Variants in DENND2B observed in about 807,000 individuals in gnomAD.
DENND2B encodes DENN domain-containing protein 2B.
A neutral mutation model predicts 116.0 loss-of-function variants in DENND2B; 32 were observed. The ratio of observed to expected loss-of-function variants is 0.28; its 90% CI spans 0.21 to 0.37. The LOEUF is 0.37. DENND2B is among the 10% of genes least tolerant of loss of function. DENND2B has a pLI of 1.00. For missense variants in DENND2B, 1,276 were observed against 1,477.7 expected (o/e 0.86, Z 2.24); for synonymous variants, 588 against 583.9 (o/e 1.01, Z -0.10).
Position 8,894,864 on chromosome 11 carries a change from A to G in DENND2B, c.-255-13755T>C, listed in dbSNP as rs575046746. ...GGCAATTCCTCAAGGATCCAGAACT[A>G]GAAATACCATTTGACCCAGTGATCC... On this transcript the variant is annotated intron_variant, in intron 1 of 22. Coordinates refer to the DENND2B transcript ENST00000534127. 1.1e-4 allele frequency among the ~76,000 whole-genome samples: 16 copies of G among 152,344 alleles called. No homozygotes were observed. In the South Asian group the frequency reaches 3.3e-3, roughly 32 times the overall value.
chr11:8,903,872 G>A (rs1174197392), intron 1 of DENND2B, among the ~76,000 whole-genome samples: 1 of 125,642 alleles, frequency 8.0e-6, no homozygotes, highest in Non-Finnish European at 1.6e-5. Context: ...CTTGGCAACA[G>A]GAGTGAGACC....
At chr11:8,784,252 G>GAA (rs34873883) in intron 1 of DENND2B, 81 of 117,028 alleles carry the variant, frequency 6.9e-4, no homozygotes, top group African/African-American at 1.9e-3. Flanking sequence ...CATCTCTACC[G>GAA]AAAAAAAAAA....
upstream of DENND2B, among the ~76,000 whole-genome samples, chr11:8,872,101 A>G (rs1438591859): frequency 2.0e-5 from 3 of 152,242 alleles, no homozygotes; most frequent in African/African-American, 7.2e-5. Flanking sequence ...CAAGGCCAGG[A>G]CATGTTCCAA....
intron 2 of DENND2B, among the ~76,000 whole-genome samples, chr11:8,746,044 A>G (rs993220075): frequency 1.3e-5 from 2 of 151,616 alleles, no homozygotes; most frequent in Admixed American, 6.6e-5. Flanking sequence ...AAATAACCAG[A>G]CCAGTACTGA....
chr11:8,799,918 T>TTTA (rs143632896), intron 1 of DENND2B, among the ~76,000 whole-genome samples: 2,017 of 143,598 alleles, frequency 0.014, 37 homozygotes, highest in African/African-American at 0.043. Context: ...TCACCATGTA[T>TTTA]TTATTATTAT....
At chr11:8,699,463 C>T in intron 14 of DENND2B, 73 bp from the exon 15 acceptor site, 2 of 1,464,202 alleles carry the variant, frequency 1.4e-6, no homozygotes, top group Non-Finnish European at 1.8e-6. Flanking sequence ...AGGCTCAGGA[C>T]AGCCTTTGAT....
chr11:8,871,579 C>T (rs968878979), upstream of DENND2B, among the ~76,000 whole-genome samples: 4 of 152,128 alleles, frequency 2.6e-5, no homozygotes, highest in African/African-American at 9.7e-5. Context: ...TCCCAGTTCT[C>T]GGGCCTCGGG....
intron 4 of DENND2B, among the ~76,000 whole-genome samples, chr11:8,816,367 G>A (rs1407947198): frequency 6.6e-6 from 1 of 152,094 alleles, no homozygotes; most frequent in Non-Finnish European, 1.5e-5. Context: ...GCAACATAAG[G>A]AAACCCTATC....
chr11:8,898,197 T>C (rs1444244107), intron 1 of DENND2B, among the ~76,000 whole-genome samples: 1 of 152,160 alleles, frequency 6.6e-6, no homozygotes, highest in African/African-American at 2.4e-5. Context: ...CCACTAGCTA[T>C]GTTGACCCAG....
intron 1 of DENND2B, chr11:8,771,566 A>AGGAGAGC (rs146752028): frequency 8.3e-6 from 1 of 120,310 alleles, no homozygotes; most frequent in African/African-American, 3.1e-5. Context: ...AGAGAGAGAG[A>AGGAGAGC]GCCTTCTTCC....
chr11:8,883,925 A>G (rs1186364245), intron 1 of DENND2B, among the ~76,000 whole-genome samples: 1 of 152,226 alleles, frequency 6.6e-6, no homozygotes, highest in African/African-American at 2.4e-5. Context: ...CCATTTGTTT[A>G]GTGTGCACAG....
At chr11:8,794,674 G>C (rs1200703528) in intron 1 of DENND2B, 2 of 152,292 alleles carry the variant, frequency 1.3e-5, no homozygotes, top group Admixed American at 1.3e-4. Flanking sequence ...ATTGACTAAT[G>C]CAAGTGTCTC....
At chr11:8,869,036 T>C (rs1458792207) in intron 2 of DENND2B, among the ~76,000 whole-genome samples, 2 of 152,228 alleles carry the variant, frequency 1.3e-5, no homozygotes, top group Non-Finnish European at 2.9e-5. Context: ...GTATTTTACA[T>C]GCGGCCCCAG....
chr11:8,899,628 T>C (rs1222675747), intron 1 of DENND2B, among the ~76,000 whole-genome samples: 1 of 151,944 alleles, frequency 6.6e-6, no homozygotes, highest in Non-Finnish European at 1.5e-5. Flanking sequence ...AATGTGAAGG[T>C]GAAATAAAGA....
intron 1 of DENND2B, among the ~76,000 whole-genome samples, chr11:8,893,810 T>A (rs950338653): frequency 1.3e-5 from 2 of 152,016 alleles, no homozygotes; most frequent in African/African-American, 4.8e-5. Flanking sequence ...ATTGTGAAAA[T>A]GGCCATACTA....
chr11:8,735,883 GGA>G (rs1213685378), intron 2 of DENND2B, among the ~76,000 whole-genome samples: 1 of 152,228 alleles, frequency 6.6e-6, no homozygotes, highest in Admixed American at 6.5e-5. Context: ...GGCATGGATG[GGA>G]GAGAGTGCTC....
chr11:8,881,953 C>A (rs2063908106), intron 1 of DENND2B, among the ~76,000 whole-genome samples: 1 of 152,064 alleles, frequency 6.6e-6, no homozygotes. Flanking sequence ...CACTCTTTTT[C>A]ACTGGCCTTC....
At chr11:8,835,090 A>T (rs1040450640) in intron 4 of DENND2B, among the ~76,000 whole-genome samples, 8 of 152,080 alleles carry the variant, frequency 5.3e-5, no homozygotes, top group Admixed American at 5.2e-4. Context: ...ACAAAAATAC[A>T]AAAATTAGCC....
In DENND2B at chr11:8,861,015, C is replaced by G. The variant is rs187746377; in HGVS notation, c.-249-3579G>C. Reference sequence around the variant, plus strand: ...AGAATGAAACTGGATCCCTATCACTCACCATATACAAAAATTAACTCGAGA... The same window carrying G: ...AGAATGAAACTGGATCCCTATCACTGACCATATACAAAAATTAACTCGAGA... On this transcript the variant is annotated intron_variant, in intron 2 of 6. Transcript: ENST00000524757. Among the ~76,000 whole-genome samples the G allele has an allele frequency of 3.7e-4, 54 of 147,720 alleles. No homozygotes were observed. In the East Asian group the frequency reaches 0.01, roughly 29 times the overall value.
Sources: allele counts gnomAD v4.1 joint callset (sites outside exome capture counted in the v4.1 genomes callset), GRCh38; gene constraint gnomAD v4.1.1; transcripts MANE v1.5; gene names NCBI Gene and HGNC (gene_info 2026-07-23, HGNC 2026-07-21).